Variants in PON3 observed in about 807,000 individuals in gnomAD.
PON3 encodes the protein serum paraoxonase/lactonase 3.
PON3 carries 37 observed loss-of-function variants against 36.3 expected under a neutral mutation model. That is an observed-to-expected ratio of 1.02 (90% CI 0.78 to 1.34). The LOEUF is 1.34. Among genes scored for constraint, PON3 ranks in the 40% most tolerant of loss-of-function variants. PON3 has a pLI of 0.00. For missense variants in PON3, 415 were observed against 426.5 expected, an observed-to-expected ratio of 0.97 and a Z score of 0.24; for synonymous variants, 155 against 154.8, an observed-to-expected ratio of 1.00 and a Z score of -0.01.
rs888468908 is a variant in PON3 at position 95,380,069 on chromosome 7, C to T, written c.202-7731G>A. ...GCAATATTCGCTGTTCTGCAGCCTC[C>T]GCTGCTGATACCCAGGCAAACAGGG... On this transcript the variant is annotated intron_variant, in intron 3 of 8. Transcript: ENST00000265627. 9.4e-4 allele frequency among the ~76,000 whole-genome samples: 143 copies of T among 152,182 alleles called. 1 individual carries two copies. Among genetic ancestry groups the T allele is most frequent in the Admixed American group, 9.0e-3 (137 of 15,286 alleles).
chr7:95,373,972 C>A (rs1808863590), intron 3 of PON3, among the ~76,000 whole-genome samples: 1 of 152,110 alleles, frequency 6.6e-6, no homozygotes, highest in Non-Finnish European at 1.5e-5. Context: ...GCATTAAATT[C>A]TCATAGGAGT....
At chr7:95,387,625 A>G (rs922770285) in intron 3 of PON3, among the ~76,000 whole-genome samples, 1 of 152,198 alleles carries the variant, frequency 6.6e-6, no homozygotes, top group Non-Finnish European at 1.5e-5. Context: ...GAATTGGAAA[A>G]AACTACTTTA....
At chr7:95,369,061 TG>T (rs1420833164) in intron 4 of PON3, among the ~76,000 whole-genome samples, 28 of 152,364 alleles carry the variant, frequency 1.8e-4, no homozygotes, top group Non-Finnish European at 3.2e-4. Flanking sequence ...GTCTGAGTTC[TG>T]GATCAGCCAT....
chr7:95,370,123 G>A (rs1193954627), intron 4 of PON3, among the ~76,000 whole-genome samples: 1 of 152,198 alleles, frequency 6.6e-6, no homozygotes, highest in Admixed American at 6.5e-5. Context: ...AGGAACCCAG[G>A]CCGTTCTGGA....
intron 5 of PON3, chr7:95,366,014 C>T (rs1808683306): frequency 7.6e-6 from 1 of 131,268 alleles, no homozygotes; most frequent in African/African-American, 3.1e-5. Context: ...GGGATTTTAA[C>T]ATATTTTTTG....
At chr7:95,379,965 A>G (rs1489441029) in intron 3 of PON3, among the ~76,000 whole-genome samples, 8 of 152,190 alleles carry the variant, frequency 5.3e-5, no homozygotes. Context: ...GTACGGGCAG[A>G]CTGACACCTC....
chr7:95,363,140 A>C (rs1196713573), intron 6 of PON3, among the ~76,000 whole-genome samples: 1 of 151,964 alleles, frequency 6.6e-6, no homozygotes, highest in Non-Finnish European at 1.5e-5. Context: ...AGGTAAGTGG[A>C]TCTCTTACAA....
At position 95,359,915 on chromosome 7, in the gene PON3, A is replaced by G; in HGVS notation, c.*58T>C. ...TTACAGTGCCACTTATCATACAATT[A>G]TCAGTTTACTTTTACAAAATATGTA... On this transcript the variant is annotated 3_prime_UTR_variant, in exon 9 of 9. Transcript: ENST00000265627. 6.5e-7 allele frequency: 1 copy of G among 1,530,548 alleles called. No homozygotes were observed. Among genetic ancestry groups the G allele is most frequent in the Non-Finnish European group, 8.9e-7 (1 of 1,123,206 alleles). 94.8% of individuals were successfully genotyped at this position (1,530,548 alleles called of 1,614,324 possible). A position where few individuals can be genotyped will look rare whatever the true frequency, so the allele number is the denominator to read the frequency against.
intron 2 of PON3, 88 bp downstream of exon 2, chr7:95,394,556 A>G: frequency 1.7e-6 from 2 of 1,166,660 alleles, no homozygotes; most frequent in Non-Finnish European, 2.6e-6. Flanking sequence ...AAGTAGTGAC[A>G]GGTAATTAAA....
intron 1 of PON3, among the ~76,000 whole-genome samples, chr7:95,395,656 GTTC>G (rs1265377052): frequency 6.6e-6 from 1 of 152,080 alleles, no homozygotes; most frequent in Non-Finnish European, 1.5e-5. Flanking sequence ...TCACTTAAAG[GTTC>G]TTCTTTCTAG....
intron 2 of PON3, among the ~76,000 whole-genome samples, chr7:95,390,811 G>C (rs1041839206): frequency 4.6e-5 from 7 of 152,068 alleles, no homozygotes; most frequent in African/African-American, 9.7e-5. Flanking sequence ...TATGGAAAGA[G>C]ACATATAATA....
intron 6 of PON3, among the ~76,000 whole-genome samples, chr7:95,363,098 C>A (rs937783958): frequency 2.6e-5 from 4 of 151,868 alleles, no homozygotes; most frequent in Non-Finnish European, 4.4e-5. Context: ...CTTATTACTT[C>A]GAAGTCACAA....
chr7:95,386,231 C>G (rs1350066749), intron 3 of PON3, among the ~76,000 whole-genome samples: 1 of 151,996 alleles, frequency 6.6e-6, no homozygotes, highest in Non-Finnish European at 1.5e-5. Flanking sequence ...AGATAGACCA[C>G]TAGCAAGATT....
chr7:95,378,403 A>C lies in PON3; in HGVS notation c.202-6065T>G, dbSNP rs552672152. On this transcript the variant is annotated intron_variant, in intron 3 of 8. Coordinates refer to ENST00000265627, the MANE Select transcript of PON3 (RefSeq NM_000940.3). The stretch of plus-strand genomic sequence containing the variant: ...CATTCAAATTCAGGAAATAAAGAGA[A>C]CACCACAAAGATACTCCTTGAGAAG... Among the ~76,000 whole-genome samples the C allele has an allele frequency of 3.8e-3, 572 of 152,334 alleles. 5 individuals carry two copies. Among genetic ancestry groups the C allele is most frequent in the Non-Finnish European group, 5.6e-3 (381 of 68,030 alleles).
At chr7:95,369,540 C>T (rs1230547252) in intron 4 of PON3, among the ~76,000 whole-genome samples, 1 of 152,058 alleles carries the variant, frequency 6.6e-6, no homozygotes, top group Non-Finnish European at 1.5e-5. Flanking sequence ...TTTGGGAGGC[C>T]AAGGCAGGTG....
At position 95,359,885 on chromosome 7, in the gene PON3, T is replaced by G; in HGVS notation, c.*88A>C. On this transcript the variant is annotated 3_prime_UTR_variant, in exon 9 of 9. Transcript: ENST00000265627. ...CACACTCACTGGTTGGTGTTTGCTA[T>G]TTACTTACAGTGCCACTTATCATAC... 2 of 1,385,486 alleles carry G rather than the reference T, an allele frequency of 1.4e-6. No homozygotes were observed. The highest frequency in any genetic ancestry group is 2.0e-6 in the Non-Finnish European group (2 of 1,006,024). The allele number at this position is 1,385,486 out of a possible 1,614,324, so 85.8% of individuals were successfully genotyped here.
chr7:95,385,359 T>C (rs1220335324), intron 3 of PON3, among the ~76,000 whole-genome samples: 1 of 151,768 alleles, frequency 6.6e-6, no homozygotes, highest in Admixed American at 6.6e-5. Context: ...TAATAAAAAA[T>C]ATATATTTTA....
intron 5 of PON3, chr7:95,364,312 A>G (rs571985631): frequency 1.9e-6 from 1 of 530,084 alleles, no homozygotes; most frequent in African/African-American, 1.9e-5. Context: ...ATAAATTCAC[A>G]AATAAATCTC....
At chr7:95,391,580 G>A (rs1009158922) in intron 2 of PON3, among the ~76,000 whole-genome samples, 1 of 152,014 alleles carries the variant, frequency 6.6e-6, no homozygotes, top group Non-Finnish European at 1.5e-5. Flanking sequence ...CAAAATAAGA[G>A]TTTCTTCTAC....
Sources: allele counts gnomAD v4.1 joint callset (sites outside exome capture counted in the v4.1 genomes callset), GRCh38; gene constraint gnomAD v4.1.1; transcripts MANE v1.5; gene names NCBI Gene and HGNC (gene_info 2026-07-23, HGNC 2026-07-21).